The following FRMD6 variants were observed in gnomAD, a reference collection of about 807,000 sequenced individuals.
FRMD6 encodes the protein FERM domain containing 6.
In FRMD6, 37 loss-of-function variants were observed where a neutral mutation model predicts 73.2. The ratio of observed to expected loss-of-function variants is 0.51; its 90% confidence interval spans 0.39 to 0.66. The LOEUF is 0.66. Among genes scored for constraint, FRMD6 ranks in the 30% least tolerant of loss-of-function variants. The probability of loss-of-function intolerance (pLI) is 0.00; values close to 1 mark genes in which losing one functional copy is unlikely to be tolerated. For missense variants in FRMD6, 714 were observed against 780.5 expected, an observed-to-expected ratio of 0.91 and a Z score of 1.02; for synonymous variants, 273 against 282.2, an observed-to-expected ratio of 0.97 and a Z score of 0.33.
intron 5 of FRMD6, among the ~76,000 whole-genome samples, chr14:51,703,745 G>T (rs956477489): frequency 1.3e-5 from 2 of 151,980 alleles, no homozygotes; most frequent in Non-Finnish European, 2.9e-5. Context: ...TTACATAAAT[G>T]CTTTATTTTT....
At chr14:51,536,427 A>AT (rs1189390671) in intron 1 of FRMD6, among the ~76,000 whole-genome samples, 14 of 149,946 alleles carry the variant, frequency 9.3e-5, no homozygotes, top group Admixed American at 7.3e-4. Flanking sequence ...TATTTATTTT[A>AT]TTTTTTTTAG....
chr14:51,639,025 C>G (rs1250289979), intron 2 of FRMD6, among the ~76,000 whole-genome samples: 1 of 151,922 alleles, frequency 6.6e-6, no homozygotes, highest in Non-Finnish European at 1.5e-5. Context: ...CAGCCACTCT[C>G]TGCTAAGAAA....
intron 2 of FRMD6, among the ~76,000 whole-genome samples, chr14:51,694,837 G>A (rs1296671620): frequency 6.6e-6 from 1 of 152,170 alleles, no homozygotes. Flanking sequence ...CAGCTAAAAT[G>A]TAGCCTTAAA....
At chr14:51,414,066 T>C in the FRMD6 span, among the ~76,000 whole-genome samples, 9 of 152,240 alleles carry the variant, frequency 5.9e-5, no homozygotes, top group Non-Finnish European at 1.0e-4. Flanking sequence ...CTTTGTCAGA[T>C]GGGTAGAATG....
intron 2 of FRMD6, among the ~76,000 whole-genome samples, chr14:51,631,793 A>C (rs1891346744): frequency 6.6e-6 from 1 of 152,214 alleles, no homozygotes; most frequent in African/African-American, 2.4e-5. Context: ...AATGGGAATA[A>C]AAATACTAGT....
intron 1 of FRMD6, among the ~76,000 whole-genome samples, chr14:51,670,842 T>G (rs1480786604): frequency 6.6e-6 from 1 of 152,140 alleles, no homozygotes; most frequent in African/African-American, 2.4e-5. Context: ...AGATGGGGTT[T>G]CGTCATGTTG....
intron 2 of FRMD6, among the ~76,000 whole-genome samples, chr14:51,617,984 G>A (rs987182608): frequency 2.0e-5 from 3 of 152,030 alleles, no homozygotes; most frequent in Admixed American, 2.0e-4. Flanking sequence ...ATACCTGCAC[G>A]GAGCCAGAAC....
chr14:51,490,148 A>G (rs1882911430), intron 1 of FRMD6, among the ~76,000 whole-genome samples: 1 of 152,232 alleles, frequency 6.6e-6, no homozygotes, highest in African/African-American at 2.4e-5. Flanking sequence ...AATATGATGC[A>G]TGTGTGATAG....
the FRMD6 span, among the ~76,000 whole-genome samples, chr14:51,408,267 C>A: frequency 6.6e-6 from 1 of 151,928 alleles, no homozygotes; most frequent in Non-Finnish European, 1.5e-5. Context: ...TCGGGTGATC[C>A]TCTCACCTCA....
chr14:51,606,573 T>A (rs979870645), intron 2 of FRMD6, among the ~76,000 whole-genome samples: 21 of 152,184 alleles, frequency 1.4e-4, no homozygotes, highest in African/African-American at 4.6e-4. Flanking sequence ...ATTATTTCTA[T>A]CCCAATAGCT....
chr14:51,458,774 T>C, the FRMD6 span, among the ~76,000 whole-genome samples: 1 of 152,204 alleles, frequency 6.6e-6, no homozygotes, highest in Non-Finnish European at 1.5e-5. Context: ...TGGATTTTGC[T>C]TCACAAGCCA....
At chr14:51,551,958 T>C (rs1886865793) in intron 1 of FRMD6, among the ~76,000 whole-genome samples, 1 of 152,222 alleles carries the variant, frequency 6.6e-6, no homozygotes, top group South Asian at 2.1e-4. Flanking sequence ...TTATGGCTTA[T>C]ATTTTTTCCA....
chr14:51,720,404 C>CCCCT lies in FRMD6; in HGVS notation c.1360+16_1360+19dup, dbSNP rs774325153. On this transcript the variant is annotated intron_variant, in intron 11 of 13. Coordinates refer to ENST00000344768, the MANE Select transcript of FRMD6 (RefSeq NM_001267046.2). The stretch of plus-strand genomic sequence containing the variant: ...TACAGGACGATGGTAACAGTACTGT[C>CCCCT]CCCTCACTGGCTCTCTGTTTAGTCT... 1.3e-5 allele frequency: 21 copies of CCCCT among 1,606,312 alleles called. No homozygotes were observed. Among genetic ancestry groups the CCCCT allele is most frequent in the Non-Finnish European group, 1.8e-5 (21 of 1,173,882 alleles).
chr14:51,675,551 A>T (rs1234804441), intron 1 of FRMD6, among the ~76,000 whole-genome samples: 1 of 152,154 alleles, frequency 6.6e-6, no homozygotes, highest in African/African-American at 2.4e-5. Flanking sequence ...AAAACTGTAT[A>T]ATGTTTTGTC....
At chr14:51,454,285 T>A in the FRMD6 span, among the ~76,000 whole-genome samples, 1 of 152,234 alleles carries the variant, frequency 6.6e-6, no homozygotes, top group East Asian at 1.9e-4. Context: ...TGCTCTGGCA[T>A]AAAAGCAATG....
intron 1 of FRMD6, among the ~76,000 whole-genome samples, chr14:51,495,915 G>C (rs921588315): frequency 6.6e-6 from 1 of 152,172 alleles, no homozygotes; most frequent in African/African-American, 2.4e-5. Flanking sequence ...TATTGGTTTA[G>C]GTGGTCACCA....
At chr14:51,520,698 G>C (rs991091419) in intron 1 of FRMD6, among the ~76,000 whole-genome samples, 1 of 152,142 alleles carries the variant, frequency 6.6e-6, no homozygotes. Flanking sequence ...AGGAGTTTGA[G>C]ACCAGCCTAG....
chr14:51,484,371 A>G (rs370125422), upstream of FRMD6, among the ~76,000 whole-genome samples: 134 of 152,318 alleles, frequency 8.8e-4, 3 homozygotes, highest in Middle Eastern at 0.027. Flanking sequence ...TATAACCATC[A>G]AGAAAACTTG....
chr14:51,667,805 T>C (rs1214020556), intron 1 of FRMD6, among the ~76,000 whole-genome samples: 1 of 152,214 alleles, frequency 6.6e-6, no homozygotes, highest in Non-Finnish European at 1.5e-5. Context: ...TAAATTCTAA[T>C]TAAATCTTAA....
Sources: allele counts gnomAD v4.1 joint callset (sites outside exome capture counted in the v4.1 genomes callset), GRCh38; gene constraint gnomAD v4.1.1; transcripts MANE v1.5; gene names NCBI Gene and HGNC (gene_info 2026-07-23, HGNC 2026-07-21).